The following ALDH3A2 variants were observed in gnomAD, a reference collection of about 807,000 sequenced individuals.
ALDH3A2 encodes the protein aldehyde dehydrogenase 3 family member A2.
Under a neutral mutation model 51.3 loss-of-function variants are expected in ALDH3A2, and 36 were observed. That is an observed-to-expected ratio of 0.70 (90% confidence interval 0.54 to 0.93). The LOEUF (loss-of-function observed/expected upper bound fraction) is 0.93, where lower values mean the gene tolerates loss of function less well. Ranked by LOEUF, ALDH3A2 falls within the 40% of genes least tolerant of loss-of-function variation. The pLI, the probability that ALDH3A2 is intolerant of heterozygous loss-of-function variation, is 0.00. For synonymous variants in ALDH3A2, 199 were observed against 219.8 expected (o/e 0.91, Z 0.84); for missense variants, 552 against 603.1 (o/e 0.92, Z 0.89).
intron 4 of ALDH3A2, among the ~76,000 whole-genome samples, chr17:19,657,511 C>T (rs1232951387): frequency 2.0e-5 from 3 of 152,188 alleles, no homozygotes; most frequent in Non-Finnish European, 4.4e-5. Context: ...TACTGTTTGC[C>T]GTGAGCTGGC....
At chr17:19,653,794 TG>T (rs1342763384) in intron 3 of ALDH3A2, among the ~76,000 whole-genome samples, 1 of 152,184 alleles carries the variant, frequency 6.6e-6, no homozygotes, top group Non-Finnish European at 1.5e-5. Flanking sequence ...GCTGCTGGCT[TG>T]GGCAGCCTGC....
In ALDH3A2 at chr17:19,671,793, T is replaced by C; in HGVS notation, c.1280T>C (p.Leu427Ser). The C allele has an allele frequency of 6.2e-7, 1 of 1,614,184 alleles. No individual in the cohort carries two copies. Residue 427 changes from leucine (L) to serine (S), a missense_variant, in exon 9 of 10, where the codon TTA becomes TCA. Transcript: ENST00000176643. ...DTFSHQRPCL[L>S]KSLKREGANK... ...TTTTCTCATCAGCGTCCCTGTTTAT[T>C]AAAAAGTTTAAAGAGAGAAGGTGCT... is the stretch of plus-strand genomic sequence containing the variant.
chr17:19,656,596 T>C (rs1332567411), intron 4 of ALDH3A2, 22 bp downstream of exon 4: 22 of 1,589,544 alleles, frequency 1.4e-5, no homozygotes, highest in Non-Finnish European at 1.9e-5. Context: ...TCTCTGATTT[T>C]CTGAGGTTTT....
At chr17:19,664,134 G>A (rs1441591317) in intron 7 of ALDH3A2, among the ~76,000 whole-genome samples, 1 of 152,224 alleles carries the variant, frequency 6.6e-6, no homozygotes, top group African/African-American at 2.4e-5. Context: ...TTTGGAGCTT[G>A]TGAGACTATT....
Position 19,658,323 on chromosome 17 carries a change from A to G in ALDH3A2, c.798+461A>G, listed in dbSNP as rs111822011. Among the ~76,000 whole-genome samples the G allele has an allele frequency of 2.0e-3, 310 of 152,320 alleles. 4 individuals carry two copies. The East Asian group carries it at 0.048, about 23-fold the overall frequency. On this transcript the variant is annotated intron_variant, in intron 5 of 9. Coordinates refer to ENST00000176643, the MANE Select transcript of ALDH3A2 (RefSeq NM_000382.3). ...TTACAGTATACCCTTTATATAATTA[A>G]CAATCTTTCAGCGTGTTTAAAGTAA...
chr17:19,655,614 G>C (rs1340590930), intron 3 of ALDH3A2, among the ~76,000 whole-genome samples: 2 of 152,242 alleles, frequency 1.3e-5, no homozygotes, highest in African/African-American at 2.4e-5. Context: ...AGATCCACAA[G>C]CCAGCTTTTA....
intron 8 of ALDH3A2, among the ~76,000 whole-genome samples, chr17:19,666,506 G>A (rs1035351610): frequency 3.9e-5 from 6 of 152,212 alleles, no homozygotes; most frequent in African/African-American, 1.4e-4. Flanking sequence ...GCTGGGCGCA[G>A]TGGCTCATGC....
At position 19,654,165 on chromosome 17, in the gene ALDH3A2, G is replaced by A. The variant is rs1326946479; in HGVS notation, c.471+1533G>A. Reference sequence around the variant, plus strand: ...CCACAAACCCCAAGCTAGACACAGAGTGCTGATTGGTGCATATACAATCCT... The same window carrying A: ...CCACAAACCCCAAGCTAGACACAGAATGCTGATTGGTGCATATACAATCCT... On this transcript the variant is annotated intron_variant, in intron 3 of 9. Transcript: ENST00000176643. This position sits in a 1 kb window ranked among gnomAD's most constrained non-coding sequence, Gnocchi z 4.5. Among the ~76,000 whole-genome samples, 2 of 152,226 alleles carry A rather than the reference G, an allele frequency of 1.3e-5. No homozygotes were observed. Among genetic ancestry groups the A allele is most frequent in the Non-Finnish European group, 2.9e-5 (2 of 68,032 alleles).
chr17:19,665,244 T>C (rs941498880), intron 8 of ALDH3A2, among the ~76,000 whole-genome samples, 197 bp downstream of exon 8: 1 of 152,124 alleles, frequency 6.6e-6, no homozygotes, highest in Non-Finnish European at 1.5e-5. Flanking sequence ...GCAAATGTCT[T>C]GTCACTCTCT....
chr17:19,662,358 T>A (rs1482150893), intron 6 of ALDH3A2, among the ~76,000 whole-genome samples: 1 of 152,194 alleles, frequency 6.6e-6, no homozygotes, highest in Admixed American at 6.5e-5. Context: ...GCAGTTTATA[T>A]ACCCCCTGGA....
chr17:19,677,573 A>G lies in ALDH3A2; in HGVS notation c.*2001A>G, dbSNP rs1306077225. On this transcript the variant is annotated 3_prime_UTR_variant, in exon 10 of 10. Coordinates refer to ENST00000176643, the MANE Select transcript of ALDH3A2 (RefSeq NM_000382.3). Reference sequence around the variant, plus strand: ...TTGATCATAAATTCTCCCCAACTATAAATCATTTTATGTCTTTATCATAGA... The same window carrying G: ...TTGATCATAAATTCTCCCCAACTATGAATCATTTTATGTCTTTATCATAGA... 6.6e-6 allele frequency: 1 copy of G among 152,158 alleles called. No individual in the cohort carries two copies. The highest frequency in any genetic ancestry group is 1.5e-5 in the Non-Finnish European group (1 of 68,024). 9.4% of individuals were successfully genotyped at this position (152,158 alleles called of 1,614,324 possible).
intron 3 of ALDH3A2, 136 bp from the exon 4 acceptor site, chr17:19,656,230 C>T (rs2084893951): frequency 2.4e-6 from 2 of 831,780 alleles, no homozygotes; most frequent in Non-Finnish European, 4.0e-6. Flanking sequence ...AGTTCCCTCT[C>T]CCATCCCTCA....
In ALDH3A2 at chr17:19,654,343, C is replaced by G. The variant is rs1381237608; in HGVS notation, c.471+1711C>G. Among the ~76,000 whole-genome samples the G allele has an allele frequency of 1.6e-4, 25 of 152,262 alleles. No homozygotes were observed. Among genetic ancestry groups the G allele is most frequent in the Non-Finnish European group, 1.5e-5 (1 of 68,038 alleles). ...CTCAGCCCTTGGGCGGTCGATGGGA[C>G]TGGGCGCTGTGGAGCAGGGGGCGGC... On this transcript the variant is annotated intron_variant, in intron 3 of 9. Transcript: ENST00000176643. The surrounding 1 kb of genome is among the most constrained non-coding windows in gnomAD (Gnocchi z 4.5).
At chr17:19,658,492 AG>A (rs1032052253) in intron 5 of ALDH3A2, among the ~76,000 whole-genome samples, 2 of 151,678 alleles carry the variant, frequency 1.3e-5, no homozygotes, top group African/African-American at 2.4e-5. Context: ...TGGGGGGCCT[AG>A]GGGGGCAGAT....
At chr17:19,651,868 C>T in intron 2 of ALDH3A2, 90 bp downstream of exon 2, 1 of 1,194,474 alleles carries the variant, frequency 8.4e-7, no homozygotes, top group Non-Finnish European at 1.2e-6. Flanking sequence ...TAATTAAATA[C>T]ATTTACTTGG....
intron 8 of ALDH3A2, among the ~76,000 whole-genome samples, chr17:19,668,229 T>C (rs1218549724): frequency 6.6e-6 from 1 of 152,158 alleles, no homozygotes; most frequent in African/African-American, 2.4e-5. Context: ...AATTTTTCTT[T>C]TAATTTTATC....
Position 19,663,331 on chromosome 17 carries a change from A to C in ALDH3A2, c.941-2A>C. The C allele has an allele frequency of 6.2e-7, 1 of 1,613,962 alleles. No individual in the cohort carries two copies. Among genetic ancestry groups the C allele is most frequent in the East Asian group, 2.2e-5 (1 of 44,862 alleles). ...TTTTCATTTTGTTTATTTTCTTTTT[A>C]GCCCCAACAGTACTTACCGATGTTG... is the stretch of plus-strand genomic sequence containing the variant. On this transcript the variant is annotated splice_acceptor_variant, in intron 6 of 9. Transcript: ENST00000176643. LOFTEE classifies it high-confidence loss of function.
chr17:19,662,535 A>C (rs1296172557), intron 6 of ALDH3A2, among the ~76,000 whole-genome samples: 1 of 152,200 alleles, frequency 6.6e-6, no homozygotes, highest in Non-Finnish European at 1.5e-5. Flanking sequence ...TTGGTGACTT[A>C]CATTGGCAGC....
chr17:19,668,951 C>T (rs1320535977), intron 8 of ALDH3A2, among the ~76,000 whole-genome samples: 2 of 78,552 alleles, frequency 2.5e-5, no homozygotes, highest in African/African-American at 8.1e-5. Context: ...CCTTCCCTCC[C>T]TCCCTCCTTT....
Sources: gnomAD v4.1 joint callset for allele counts (sites outside exome capture counted in the v4.1 genomes callset) on GRCh38, gnomAD v4.1.1 for gene constraint, Gnocchi (gnomAD v3.1) non-coding constraint, MANE v1.5 for transcripts, NCBI Gene and HGNC (gene_info 2026-07-23, HGNC 2026-07-21) for gene names.